RAPGEF1: variants seen among roughly 807,000 people sequenced by gnomAD.
The protein encoded by RAPGEF1 is CRK SH3-binding GNRP.
RAPGEF1 carries 33 observed loss-of-function variants against 143.3 expected under a neutral mutation model. The observed-to-expected ratio is 0.23, with a 90% CI of 0.17 to 0.31. The LOEUF is 0.31. Among genes scored for constraint, RAPGEF1 ranks in the 10% least tolerant of loss-of-function variants. The pLI is 1.00. For missense variants in RAPGEF1, 1,199 were observed against 1,645.4 expected (o/e 0.73, Z 4.69); for synonymous variants, 629 against 676.5 (o/e 0.93, Z 1.09).
At chr9:131,642,685 T>A (rs1232244607) in intron 4 of RAPGEF1, among the ~76,000 whole-genome samples, 1 of 152,152 alleles carries the variant, frequency 6.6e-6, no homozygotes, top group Non-Finnish European at 1.5e-5. Flanking sequence ...CTTCTTCGCC[T>A]CCCTGTGCAG....
chr9:131,665,684 G>A (rs1830318914), intron 1 of RAPGEF1, among the ~76,000 whole-genome samples: 1 of 152,190 alleles, frequency 6.6e-6, no homozygotes, highest in African/African-American at 2.4e-5. Flanking sequence ...AGCCCTCCAT[G>A]GTAAGCCTGT....
At chr9:131,712,866 G>A (rs766643845) in intron 1 of RAPGEF1, among the ~76,000 whole-genome samples, 3 of 152,116 alleles carry the variant, frequency 2.0e-5, no homozygotes, top group Non-Finnish European at 4.4e-5. Context: ...CAGGGGTAGG[G>A]GGAGGGGGAG....
intron 5 of RAPGEF1, among the ~76,000 whole-genome samples, chr9:131,634,764 G>T (rs908493476): frequency 2.1e-5 from 3 of 145,960 alleles, no homozygotes; most frequent in Admixed American, 1.4e-4. Context: ...AGAAGGAAGG[G>T]CTTAAATAAC....
Position 131,675,193 on chromosome 9 carries a change from G to T in RAPGEF1, c.62-24244C>A, listed in dbSNP as rs1588963415. 6.6e-6 allele frequency among the ~76,000 whole-genome samples: 1 copy of T among 152,044 alleles called. No homozygotes were observed. Among genetic ancestry groups the T allele is most frequent in the African/African-American group, 2.4e-5 (1 of 41,330 alleles). ...ATTTGCTGCACTTGGCTGGATTTGC[G>T]CTGTATTTCTCGTGGGGATGAGGCA... On this transcript the variant is annotated intron_variant, in intron 1 of 26. Coordinates refer to ENST00000683357, the MANE Select transcript of RAPGEF1 (RefSeq NM_001377935.1). This position sits in a 1 kb window ranked among gnomAD's most constrained non-coding sequence, Gnocchi z 4.6.
chr9:131,709,928 G>A (rs1394624416), intron 1 of RAPGEF1: 6 of 985,260 alleles, frequency 6.1e-6, no homozygotes, highest in South Asian at 4.7e-5. Context: ...TCGCCCTACC[G>A]GTGCCTCTCA....
At position 131,625,949 on chromosome 9, in the gene RAPGEF1, G is replaced by A; in HGVS notation, c.1675C>T (p.Pro559Ser). Residue 559 changes from proline to serine, a missense_variant, in exon 10 of 27, where the codon CCT becomes TCT. This residue lies in a region of RAPGEF1 where 16 missense variants were observed against 52.7 expected (regional missense o/e 0.30). Transcript: ENST00000683357. The part of the protein sequence containing the change: ...ESTGDPEKPP[P>S]LPEKKNKHML... The stretch of plus-strand genomic sequence containing the variant: ...TGTTTGTTTTTCTTCTCTGGTAGAG[G>A]AGGTGGTTTTTCTGGGTCACCGGTT... 1.3e-6 allele frequency: 2 copies of A among 1,586,188 alleles called. No individual in the cohort carries two copies. Among genetic ancestry groups the A allele is most frequent in the Non-Finnish European group, 1.7e-6 (2 of 1,159,154 alleles).
chr9:131,610,717 A>G (rs910951776), intron 12 of RAPGEF1, among the ~76,000 whole-genome samples: 1 of 152,254 alleles, frequency 6.6e-6, no homozygotes, highest in African/African-American at 2.4e-5. Flanking sequence ...CTGGGCTCAG[A>G]GCACATATGT....
At chr9:131,723,168 T>C (rs1051294462) in intron 1 of RAPGEF1, among the ~76,000 whole-genome samples, 2 of 152,240 alleles carry the variant, frequency 1.3e-5, no homozygotes, top group Non-Finnish European at 2.9e-5. Context: ...CACTTCAGCC[T>C]GGGTGACAGA....
chr9:131,623,916 G>A (rs1962095001), intron 10 of RAPGEF1, among the ~76,000 whole-genome samples: 4 of 152,286 alleles, frequency 2.6e-5, no homozygotes, highest in African/African-American at 9.6e-5. Context: ...GCAATTTTGA[G>A]GCATTTTCCA....
chr9:131,632,155 G>C (rs1313156846), intron 5 of RAPGEF1, among the ~76,000 whole-genome samples: 3 of 151,338 alleles, frequency 2.0e-5, no homozygotes, highest in Non-Finnish European at 4.4e-5. Context: ...TTGAGACAGA[G>C]TCTCGCTCTG....
chr9:131,581,949 T>C (rs988710112), intron 25 of RAPGEF1, among the ~76,000 whole-genome samples: 2 of 152,182 alleles, frequency 1.3e-5, no homozygotes, highest in African/African-American at 2.4e-5. Flanking sequence ...GGATGTGCCA[T>C]TGAACACTCA....
At chr9:131,698,957 T>C (rs781325265) in intron 1 of RAPGEF1, among the ~76,000 whole-genome samples, 11 of 152,226 alleles carry the variant, frequency 7.2e-5, no homozygotes, top group Non-Finnish European at 1.5e-4. Flanking sequence ...CTGTAAATAC[T>C]CAATGCACCA....
At chr9:131,690,260 TTTG>T (rs1268768878) in intron 1 of RAPGEF1, among the ~76,000 whole-genome samples, 29 of 152,266 alleles carry the variant, frequency 1.9e-4, no homozygotes, top group Non-Finnish European at 2.9e-4. Flanking sequence ...AGAATGAGAC[TTTG>T]TTAAGGGAAA....
chr9:131,688,822 C>T (rs1589014885), intron 1 of RAPGEF1, among the ~76,000 whole-genome samples: 1 of 152,266 alleles, frequency 6.6e-6, no homozygotes. Flanking sequence ...CACTCGAACC[C>T]GGGAGGTGGA....
intron 1 of RAPGEF1, among the ~76,000 whole-genome samples, chr9:131,692,660 A>G (rs1833865699): frequency 6.6e-6 from 1 of 152,256 alleles, no homozygotes; most frequent in African/African-American, 2.4e-5. Context: ...ATTCTTTATC[A>G]TAATGAGGCT....
chr9:131,582,490 G>T, intron 25 of RAPGEF1, 115 bp downstream of exon 25: 1 of 708,238 alleles, frequency 1.4e-6, no homozygotes, highest in Non-Finnish European at 2.2e-6. Context: ...AAGTACAAAT[G>T]TCTCCGTTAG....
At chr9:131,646,579 A>G (rs886348508) in intron 3 of RAPGEF1, among the ~76,000 whole-genome samples, 4 of 152,134 alleles carry the variant, frequency 2.6e-5, no homozygotes, top group Admixed American at 6.5e-5. Context: ...CTCTCCAGAC[A>G]GTTCTCTCCC....
In RAPGEF1 at chr9:131,668,096, C is replaced by T. The variant is rs78633136; in HGVS notation, c.62-17147G>A. Among the ~76,000 whole-genome samples the T allele has an allele frequency of 3.0e-3, 455 of 152,340 alleles. 4 individuals carry two copies. The highest frequency in any genetic ancestry group is 9.9e-3 in the African/African-American group (413 of 41,572). Reference sequence around the variant, plus strand: ...TCTCCTAGGATTTAAACAGAACCCACAGCCCTCGTCAGGTAAACTTTTCCG... The same window carrying T: ...TCTCCTAGGATTTAAACAGAACCCATAGCCCTCGTCAGGTAAACTTTTCCG... On this transcript the variant is annotated intron_variant, in intron 1 of 26. Coordinates refer to ENST00000683357, the MANE Select transcript of RAPGEF1 (RefSeq NM_001377935.1).
chr9:131,697,960 A>G (rs1431969042), intron 1 of RAPGEF1, among the ~76,000 whole-genome samples: 1 of 152,182 alleles, frequency 6.6e-6, no homozygotes. Flanking sequence ...GCCTGGAACA[A>G]AGTGGGGCGT....
Sources: allele counts gnomAD v4.1 joint callset (sites outside exome capture counted in the v4.1 genomes callset), GRCh38; gene constraint gnomAD v4.1.1; regional missense constraint gnomAD v4.1.1; non-coding constraint Gnocchi (gnomAD v3.1); transcripts MANE v1.5; gene names NCBI Gene and HGNC (gene_info 2026-07-23, HGNC 2026-07-21).